The following PLEKHA5 variants were observed in gnomAD, a reference collection of about 807,000 sequenced individuals.
The protein encoded by PLEKHA5 is pleckstrin homology domain-containing family A member 5.
Under a neutral mutation model 181.9 loss-of-function variants are expected in PLEKHA5, and 55 were observed. The observed-to-expected ratio is 0.30, with a 90% CI of 0.24 to 0.38. PLEKHA5 has a LOEUF of 0.38. Among genes scored for constraint, PLEKHA5 ranks in the 10% least tolerant of loss-of-function variants. The pLI, the probability that PLEKHA5 is intolerant of heterozygous loss-of-function variation, is 1.00. For synonymous variants in PLEKHA5, 535 were observed against 529.4 expected (o/e 1.01, Z -0.15); for missense variants, 1,432 against 1,549.5 (o/e 0.92, Z 1.27).
At chr12:19,217,425 C>T (rs2058163905) in intron 3 of PLEKHA5, among the ~76,000 whole-genome samples, 1 of 152,148 alleles carries the variant, frequency 6.6e-6, no homozygotes, top group African/African-American at 2.4e-5. Context: ...GTGATAGGAG[C>T]TTGGCATACG....
chr12:19,344,620 CAT>C (rs749131204), intron 22 of PLEKHA5, among the ~76,000 whole-genome samples: 158 of 152,274 alleles, frequency 1.0e-3, no homozygotes, highest in Non-Finnish European at 1.4e-3. Flanking sequence ...GAAATAAGCA[CAT>C]GTTTTCCATT....
intron 3 of PLEKHA5, among the ~76,000 whole-genome samples, chr12:19,167,405 A>ATTTTTTTTTTTTTTTTTTTTTTTTTT (rs56086557): frequency 3.0e-4 from 27 of 91,228 alleles, no homozygotes; most frequent in Middle Eastern, 0.011. Flanking sequence ...CTGAGGCTTA[A>ATTTTTTTTTTTTTTTTTTTTTTTTTT]TTTTTTTTTT....
At position 19,129,964 on chromosome 12, in the gene PLEKHA5, A is replaced by G. The variant is rs1250547743; in HGVS notation, c.89+76A>G. 4.1e-6 allele frequency: 6 copies of G among 1,463,722 alleles called. No homozygotes were observed. In the African/African-American group the frequency reaches 5.7e-5, roughly 14 times the overall value. The allele number at this position is 1,463,722 out of a possible 1,614,324, so 90.7% of individuals were successfully genotyped here. On this transcript the variant is annotated intron_variant, in intron 1 of 31. Coordinates refer to ENST00000429027, the MANE Select transcript of PLEKHA5 (RefSeq NM_001256470.2). ...GCGGGCGGCTGGCGACACGGGGGAG[A>G]GCCCGGGTCTGTGCTCCTGCAGCCC... is the stretch of plus-strand genomic sequence containing the variant.
At chr12:19,364,625 A>G (rs1375952401) in intron 29 of PLEKHA5, among the ~76,000 whole-genome samples, 2 of 152,072 alleles carry the variant, frequency 1.3e-5, no homozygotes, top group Non-Finnish European at 2.9e-5. Context: ...AAGGATCTTT[A>G]TATGAATGGG....
rs868750642 is a variant in PLEKHA5 at position 19,366,140 on chromosome 12, C to T, written c.3754+31C>T. 3.2e-6 allele frequency: 5 copies of T among 1,544,890 alleles called. No individual in the cohort carries two copies. The Middle Eastern group carries it at 6.8e-4, about 209-fold the overall frequency. ...TAGTATACACTTCATAATTTTCTAC[C>T]TGGTGCTTCCTCTGAACTTCTAAAT... On this transcript the variant is annotated intron_variant, in intron 30 of 31. Transcript: ENST00000429027.
At chr12:19,207,899 G>A (rs1257145709) in intron 3 of PLEKHA5, among the ~76,000 whole-genome samples, 1 of 152,124 alleles carries the variant, frequency 6.6e-6, no homozygotes, top group African/African-American at 2.4e-5. Context: ...TAGTAGATAA[G>A]GTGATTGTAA....
intron 6 of PLEKHA5, 139 bp downstream of exon 6, chr12:19,257,676 G>A: frequency 1.7e-6 from 1 of 598,216 alleles, no homozygotes; most frequent in Non-Finnish European, 2.9e-6. Context: ...TTGACTGCTT[G>A]TTACCCCTGA....
chr12:19,336,787 A>G (rs1367083828), intron 21 of PLEKHA5, among the ~76,000 whole-genome samples, 171 bp downstream of exon 21: 1 of 152,108 alleles, frequency 6.6e-6, no homozygotes, highest in Non-Finnish European at 1.5e-5. Flanking sequence ...AAAGGAGACC[A>G]TCCCCTCTTG....
Position 19,274,577 on chromosome 12 carries a change from A to G in PLEKHA5, c.907A>G (p.Arg303Gly), listed in dbSNP as rs2074014964. The G allele has an allele frequency of 1.2e-6, 2 of 1,613,606 alleles. No individual in the cohort carries two copies. The highest frequency in any genetic ancestry group is 1.7e-6 in the Non-Finnish European group (2 of 1,179,670). The change falls in exon 11 of 32, where the codon AGA (arginine) becomes GGA (glycine). Residue 303 changes from arginine (R) to glycine (G), a missense_variant. Arg to Gly is a moderately radical substitution (Grantham distance 125, BLOSUM62 -2). This residue lies in a region of PLEKHA5 where 289 missense variants were observed against 381.1 expected (regional missense o/e 0.76). Coordinates refer to ENST00000429027, the MANE Select transcript of PLEKHA5 (RefSeq NM_001256470.2). Reference protein sequence around the residue: ...TKETNNIPNHRVLIKPEIQNN... With the variant: ...TKETNNIPNHGVLIKPEIQNN... ...AGAAACCAATAACATTCCCAACCAT[A>G]GAGTGCTAATTAAACCAGAGATCCA... is the stretch of plus-strand genomic sequence containing the variant.
At chr12:19,341,760 TCTCA>T (rs1336794746) in intron 21 of PLEKHA5, among the ~76,000 whole-genome samples, 1 of 151,510 alleles carries the variant, frequency 6.6e-6, no homozygotes, top group East Asian at 1.9e-4. Flanking sequence ...TGTGACAGAG[TCTCA>T]CTCTGTCACC....
At chr12:19,197,883 T>A (rs990681390) in intron 3 of PLEKHA5, among the ~76,000 whole-genome samples, 9 of 151,996 alleles carry the variant, frequency 5.9e-5, no homozygotes, top group Non-Finnish European at 1.2e-4. Context: ...CTTTGCTGCC[T>A]TGCAGCCATT....
intron 5 of PLEKHA5, among the ~76,000 whole-genome samples, chr12:19,255,545 A>T (rs1397309118): frequency 6.6e-6 from 1 of 151,858 alleles, no homozygotes; most frequent in South Asian, 2.1e-4. Context: ...AAGGAAATAG[A>T]TAATTATAAG....
In PLEKHA5 at chr12:19,366,030, C is replaced by A. The variant is rs868124542; in HGVS notation, c.3675C>A (p.Asn1225Lys). 5 of 1,611,208 alleles carry A rather than the reference C, an allele frequency of 3.1e-6. No homozygotes were observed. The highest frequency in any genetic ancestry group is 1.1e-5 in the South Asian group (1 of 90,802). The change falls in exon 30 of 32, where the codon AAC becomes AAA. Residue 1225 changes from asparagine to lysine, a missense_variant. Physicochemically the swap from Asn to Lys is moderately conservative, Grantham distance 94 (BLOSUM62 0). Transcript: ENST00000429027. ...PEEHPEENTK[N>K]SVDEQEETVI... ...AGCATCCTGAAGAAAATACAAAGAA[C>A]AGTGTTGACGAACAGGAAGAAACTG...
chr12:19,130,127 A>G lies in PLEKHA5; in HGVS notation c.166A>G (p.Thr56Ala). ...GGTCACCGGACACCGGCGGCAGAGCACAGGTAACGCCGGGCCCAAACGGAG... is the reference window on the plus strand; with the variant it reads ...GGTCACCGGACACCGGCGGCAGAGCGCAGGTAACGCCGGGCCCAAACGGAG... ...AVVTGHRRQSTDLPTGWEEAY... is the reference protein window; with the variant it reads ...AVVTGHRRQSADLPTGWEEAY... Residue 56 changes from threonine to alanine, a missense_variant, in exon 2 of 32, where the codon ACA becomes GCA. Thr to Ala is a moderately conservative substitution (Grantham distance 58). Around this residue, in one of 2 missense-constraint regions of PLEKHA5, gnomAD observed 289 missense variants for 381.1 expected, o/e 0.76. Coordinates refer to ENST00000429027, the MANE Select transcript of PLEKHA5 (RefSeq NM_001256470.2). This position sits in a 1 kb window ranked among gnomAD's most constrained non-coding sequence, Gnocchi z 4.5. 6.4e-7 allele frequency: 1 copy of G among 1,567,346 alleles called. No individual in the cohort carries two copies. The highest frequency in any genetic ancestry group is 8.6e-7 in the Non-Finnish European group (1 of 1,157,456).
At chr12:19,342,555 C>A (rs542960372) in intron 21 of PLEKHA5, among the ~76,000 whole-genome samples, 1 of 152,186 alleles carries the variant, frequency 6.6e-6, no homozygotes, top group South Asian at 2.1e-4. Flanking sequence ...ACTCGGGAGG[C>A]TGAGGCAGGG....
chr12:19,183,017 A>C (rs2048964334), intron 3 of PLEKHA5, among the ~76,000 whole-genome samples: 1 of 152,254 alleles, frequency 6.6e-6, no homozygotes, highest in African/African-American at 2.4e-5. Flanking sequence ...ATTTCTGAAG[A>C]GCAATGAAAC....
At chr12:19,243,740 A>G (rs1349905368) in intron 3 of PLEKHA5, among the ~76,000 whole-genome samples, 6 of 152,218 alleles carry the variant, frequency 3.9e-5, no homozygotes, top group Admixed American at 3.9e-4. Context: ...AATGTGGGGA[A>G]AGGAAATATA....
At position 19,302,905 on chromosome 12, in the gene PLEKHA5, AATTTTTTTTT is replaced by A. The variant is rs1307962549; in HGVS notation, c.2037+11209_2037+11218del. On this transcript the variant is annotated intron_variant, in intron 15 of 31. Coordinates refer to ENST00000429027, the MANE Select transcript of PLEKHA5 (RefSeq NM_001256470.2). ...TGTTGGACAGCACTGTTCTGTATGAAATTTTTTTTTTTTTTTTTTTTTTTTTTTTTTTTTG... is the reference window on the plus strand; with the variant it reads ...TGTTGGACAGCACTGTTCTGTATGAATTTTTTTTTTTTTTTTTTTTTTTTG... Among the ~76,000 whole-genome samples the A allele has an allele frequency of 3.8e-5, 4 of 106,624 alleles. No homozygotes were observed. The East Asian group carries it at 8.9e-4, about 24-fold the overall frequency. The allele number at this position is 106,624 out of a possible 152,430, so 69.9% of individuals were successfully genotyped here. A position where few individuals can be genotyped will look rare whatever the true frequency, so the allele number is the denominator to read the frequency against.
intron 11 of PLEKHA5, among the ~76,000 whole-genome samples, chr12:19,276,645 C>T (rs978242174): frequency 6.6e-6 from 1 of 152,168 alleles, no homozygotes; most frequent in Admixed American, 6.5e-5. Flanking sequence ...GAGCCAGGAT[C>T]GTGCCACTGC....
Sources: allele counts gnomAD v4.1 joint callset (sites outside exome capture counted in the v4.1 genomes callset), GRCh38; gene constraint gnomAD v4.1.1; regional missense constraint gnomAD v4.1.1; non-coding constraint Gnocchi (gnomAD v3.1); transcripts MANE v1.5; gene names NCBI Gene and HGNC (gene_info 2026-07-23, HGNC 2026-07-21).